The following EPB41 variants were observed in gnomAD, a reference collection of about 807,000 sequenced individuals.
EPB41 encodes the protein protein 4.1.
Under a neutral mutation model 108.0 loss-of-function variants are expected in EPB41, and 65 were observed. The observed-to-expected ratio is 0.60, with a 90% CI of 0.49 to 0.74. EPB41 has a LOEUF of 0.74. Ranked by LOEUF, EPB41 falls within the 30% of genes least tolerant of loss-of-function variation. EPB41 has a pLI of 0.00. For missense variants in EPB41, 875 were observed against 1,037.0 expected (o/e 0.84, Z 2.15); for synonymous variants, 336 against 358.9 (o/e 0.94, Z 0.72).
intron 16 of EPB41, chr1:29,069,112 A>AATC: frequency 8.3e-7 from 1 of 1,198,510 alleles, no homozygotes. Context: ...TTCTTTCAAA[A>AATC]ATCATCATAA....
At chr1:29,004,298 A>G (rs560846662) in intron 4 of EPB41, among the ~76,000 whole-genome samples, 1 of 152,196 alleles carries the variant, frequency 6.6e-6, no homozygotes, top group African/African-American at 2.4e-5. Flanking sequence ...TTAGGACTAC[A>G]TGCAATTCAA....
intron 7 of EPB41, among the ~76,000 whole-genome samples, chr1:29,030,071 GAA>G (rs997950131): frequency 2.0e-5 from 3 of 152,156 alleles, no homozygotes; most frequent in African/African-American, 7.2e-5. Context: ...GTATGTCGGA[GAA>G]AAAGAGTGAA....
At chr1:28,946,525 A>G (rs1171190449) in intron 1 of EPB41, among the ~76,000 whole-genome samples, 2 of 152,232 alleles carry the variant, frequency 1.3e-5, no homozygotes, top group Non-Finnish European at 2.9e-5. Context: ...ACAATTTTGG[A>G]TATTTTATAT....
At position 28,895,258 on chromosome 1, in the gene EPB41, G is replaced by T. The variant is rs541485966; in HGVS notation, c.-8+8048G>T. 7.2e-5 allele frequency among the ~76,000 whole-genome samples: 11 copies of T among 152,196 alleles called. No individual in the cohort carries two copies. In the South Asian group the frequency reaches 2.3e-3, roughly 32 times the overall value. ...GAGCCTGGGACTCACTAGTCATCATGTGTATTATTGCCATTTATTGGCTAT... is the reference window on the plus strand; with the variant it reads ...GAGCCTGGGACTCACTAGTCATCATTTGTATTATTGCCATTTATTGGCTAT... On this transcript the variant is annotated intron_variant, in intron 1 of 16. Coordinates refer to the EPB41 transcript ENST00000347529.
intron 16 of EPB41, among the ~76,000 whole-genome samples, chr1:29,090,706 C>T (rs1362277237): frequency 1.3e-5 from 2 of 152,110 alleles, no homozygotes; most frequent in Admixed American, 6.6e-5. Context: ...GCTGACATCG[C>T]GCCATTGCAC....
intron 1 of EPB41, among the ~76,000 whole-genome samples, chr1:28,971,033 A>G (rs2095480677): frequency 6.6e-6 from 1 of 151,674 alleles, no homozygotes; most frequent in South Asian, 2.1e-4. Context: ...TTTTCAGTAG[A>G]GAGAGGGTTT....
intron 19 of EPB41, among the ~76,000 whole-genome samples, chr1:29,113,268 A>G (rs576873138): frequency 6.6e-6 from 1 of 152,368 alleles, no homozygotes; most frequent in Non-Finnish European, 1.5e-5. Context: ...AAGAGATTGC[A>G]TGCAAATGCT....
intron 16 of EPB41, chr1:29,068,845 C>T: frequency 8.5e-7 from 1 of 1,170,478 alleles, no homozygotes; most frequent in Non-Finnish European, 1.1e-6. Flanking sequence ...TGGCACTAAG[C>T]AGATAATCCC....
chr1:28,928,969 G>A (rs1009418862), intron 1 of EPB41, among the ~76,000 whole-genome samples: 4 of 152,124 alleles, frequency 2.6e-5, no homozygotes, highest in African/African-American at 9.7e-5. Flanking sequence ...CTGTCTTTAT[G>A]CAAGTTACAC....
intron 8 of EPB41, among the ~76,000 whole-genome samples, chr1:29,030,956 G>A (rs1034948312): frequency 2.6e-5 from 4 of 151,934 alleles, no homozygotes; most frequent in African/African-American, 9.7e-5. Flanking sequence ...CTGAGTAGCT[G>A]GGACTACAGG....
chr1:28,994,082 A>G (rs2096095669), intron 3 of EPB41, among the ~76,000 whole-genome samples: 1 of 152,228 alleles, frequency 6.6e-6, no homozygotes. Flanking sequence ...GTTTTCTGAA[A>G]GAATAAGTGA....
chr1:28,931,673 C>T (rs1318067622), intron 1 of EPB41, among the ~76,000 whole-genome samples: 57 of 151,496 alleles, frequency 3.8e-4, no homozygotes, highest in South Asian at 4.2e-4. Context: ...GGATTACAGG[C>T]GCCCGCCACC....
chr1:29,060,577 G>T lies in EPB41; in HGVS notation c.2007+93G>T, dbSNP rs573859890. ...TTTTCTTCATTCTGTGCTGCATTTG[G>T]TTTTGCATGCAATTGCATGAAGGGA... On this transcript the variant is annotated intron_variant, in intron 15 of 20. Transcript: ENST00000343067. 1.8e-5 allele frequency: 21 copies of T among 1,180,150 alleles called. No individual in the cohort carries two copies. The African/African-American group carries it at 3.0e-4, about 17-fold the overall frequency. The allele number at this position is 1,180,150 out of a possible 1,614,324, so 73.1% of individuals were successfully genotyped here.
At chr1:28,968,792 C>T (rs1054536108) in intron 1 of EPB41, among the ~76,000 whole-genome samples, 9 of 151,998 alleles carry the variant, frequency 5.9e-5, no homozygotes, top group African/African-American at 2.2e-4. Context: ...GGTGAGACCC[C>T]CGTCTCTACT....
chr1:29,112,956 G>A (rs1463496383), intron 19 of EPB41, among the ~76,000 whole-genome samples: 1 of 152,126 alleles, frequency 6.6e-6, no homozygotes, highest in Non-Finnish European at 1.5e-5. Context: ...AGACACGAGC[G>A]GGAGCATAGT....
chr1:28,890,749 T>A (rs2090030451), intron 1 of EPB41, among the ~76,000 whole-genome samples: 1 of 152,190 alleles, frequency 6.6e-6, no homozygotes, highest in Non-Finnish European at 1.5e-5. Context: ...TTTGCAGGAG[T>A]TTAGGGAGCT....
intron 1 of EPB41, among the ~76,000 whole-genome samples, chr1:28,908,898 C>T (rs1207752326): frequency 6.6e-6 from 1 of 151,608 alleles, no homozygotes; most frequent in Non-Finnish European, 1.5e-5. Flanking sequence ...CCTGGTGGCT[C>T]ATGACTGTAA....
At chr1:28,931,252 A>G (rs2093724035) in intron 1 of EPB41, among the ~76,000 whole-genome samples, 2 of 151,600 alleles carry the variant, frequency 1.3e-5, no homozygotes, top group African/African-American at 4.8e-5. Context: ...TTAAAAATTA[A>G]TGGGACGTGG....
intron 1 of EPB41, among the ~76,000 whole-genome samples, chr1:28,926,030 A>G (rs901835601): frequency 4.2e-5 from 6 of 143,146 alleles, no homozygotes; most frequent in Admixed American, 1.4e-4. Flanking sequence ...CCTGGGCAAC[A>G]TAGAGAGACC....
Sources: gnomAD v4.1 joint callset for allele counts (sites outside exome capture counted in the v4.1 genomes callset) on GRCh38, gnomAD v4.1.1 for gene constraint, MANE v1.5 for transcripts, NCBI Gene and HGNC (gene_info 2026-07-23, HGNC 2026-07-21) for gene names.